RSRC1: variants seen among roughly 807,000 people sequenced by gnomAD.
RSRC1 encodes serine/Arginine-related protein 53.
Under a neutral mutation model 49.1 loss-of-function variants are expected in RSRC1, and 39 were observed. The ratio of observed to expected loss-of-function variants is 0.79; its 90% CI spans 0.61 to 1.04. The LOEUF (loss-of-function observed/expected upper bound fraction) is 1.04. Among genes scored for constraint, RSRC1 ranks in the 50% least tolerant of loss-of-function variants. The pLI is 0.00. For synonymous variants in RSRC1, 143 were observed against 130.8 expected, an observed-to-expected ratio of 1.09 and a Z score of -0.63; for missense variants, 388 against 402.4, an observed-to-expected ratio of 0.96 and a Z score of 0.31.
chr3:158,110,912 A>G (rs1442931517), intron 1 of RSRC1, among the ~76,000 whole-genome samples: 1 of 152,178 alleles, frequency 6.6e-6, no homozygotes, highest in Non-Finnish European at 1.5e-5. Context: ...TCTTGATTTT[A>G]GGTTAACCTT....
rs1255794178 is a variant in RSRC1, at chr3:158,129,837, T to G, written c.320+5846T>G. The stretch of plus-strand genomic sequence containing the variant: ...TTTTGTCAAAAGCTTGCTGGGACTT[T>G]GATTGGATGTTTATTGAATCAGTAG... On this transcript the variant is annotated intron_variant, in intron 3 of 9. Transcript: ENST00000611884. Among the ~76,000 whole-genome samples the G allele has an allele frequency of 2.0e-5, 3 of 152,362 alleles. No individual in the cohort carries two copies. In the East Asian group the frequency reaches 5.8e-4, roughly 29 times the overall value.
At chr3:158,437,498 G>T (rs898606609) in intron 6 of RSRC1, among the ~76,000 whole-genome samples, 2 of 152,092 alleles carry the variant, frequency 1.3e-5, no homozygotes, top group Admixed American at 6.6e-5. Flanking sequence ...GGGATGCAAG[G>T]CTGGTTCAAC....
chr3:158,286,503 T>C (rs1460858901), intron 4 of RSRC1, among the ~76,000 whole-genome samples: 5 of 152,334 alleles, frequency 3.3e-5, no homozygotes, highest in Non-Finnish European at 1.5e-5. Flanking sequence ...TCAGTTCACT[T>C]AGACAAATAC....
At chr3:158,176,553 C>T (rs1719231764) in intron 3 of RSRC1, among the ~76,000 whole-genome samples, 1 of 152,104 alleles carries the variant, frequency 6.6e-6, no homozygotes, top group African/African-American at 2.4e-5. Context: ...GGAAAGGATT[C>T]CCTATTTAAT....
chr3:158,542,305 C>G lies in RSRC1; in HGVS notation c.760-1030C>G, dbSNP rs191693273. Among the ~76,000 whole-genome samples, 3 of 152,238 alleles carry G rather than the reference C, an allele frequency of 2.0e-5. 1 individual carries two copies. The highest frequency in any genetic ancestry group is 3.9e-4 in the East Asian group (2 of 5,166). On this transcript the variant is annotated intron_variant, in intron 8 of 9. Coordinates refer to ENST00000611884, the MANE Select transcript of RSRC1 (RefSeq NM_001271838.2). ...TAGCACTTTGGGAGGCCAAGGCGGGCTGATCACTTGAGGACAGGAGTTCGA... is the reference window on the plus strand; with the variant it reads ...TAGCACTTTGGGAGGCCAAGGCGGGGTGATCACTTGAGGACAGGAGTTCGA...
At chr3:158,344,882 T>TAAAGCCAATAAG (rs1191016881) in intron 5 of RSRC1, among the ~76,000 whole-genome samples, 1 of 152,042 alleles carries the variant, frequency 6.6e-6, no homozygotes, top group Non-Finnish European at 1.5e-5. Context: ...AATGAAGAGT[T>TAAAGCCAATAAG]AAAGCCAATA....
intron 4 of RSRC1, 116 bp from the exon 5 acceptor site, chr3:158,297,923 A>G: frequency 4.1e-6 from 3 of 737,738 alleles, no homozygotes; most frequent in East Asian, 2.6e-5. Flanking sequence ...AGTGTTATGA[A>G]CATAAGTAAA....
At chr3:158,217,810 G>A (rs1722033674) in intron 4 of RSRC1, among the ~76,000 whole-genome samples, 1 of 150,692 alleles carries the variant, frequency 6.6e-6, no homozygotes, top group South Asian at 2.1e-4. Flanking sequence ...ATCATTTTTA[G>A]TAGTAATAAA....
intron 4 of RSRC1, among the ~76,000 whole-genome samples, chr3:158,288,565 T>C (rs1187144243): frequency 1.3e-5 from 2 of 152,146 alleles, no homozygotes; most frequent in East Asian, 1.9e-4. Flanking sequence ...CCTGCCTGGA[T>C]TGGACAGTTA....
intron 3 of RSRC1, among the ~76,000 whole-genome samples, chr3:158,195,978 C>G (rs1306407624): frequency 1.3e-5 from 2 of 151,896 alleles, no homozygotes; most frequent in Admixed American, 1.3e-4. Context: ...CTTGGCGATG[C>G]GGGCTCTTTT....
chr3:158,470,361 C>CATAT lies in RSRC1; in HGVS notation c.652+9374_652+9377dup, dbSNP rs59508977. On this transcript the variant is annotated intron_variant, in intron 7 of 9. Coordinates refer to ENST00000611884, the MANE Select transcript of RSRC1 (RefSeq NM_001271838.2). ...ACACACACACACACACACACACACACATATATATATATATATATAAAACCA... is the reference window on the plus strand; with the variant it reads ...ACACACACACACACACACACACACACATATATATATATATATATATATAAAACCA... 5.4e-3 allele frequency among the ~76,000 whole-genome samples: 544 copies of CATAT among 100,294 alleles called. 4 individuals are homozygous for CATAT. The highest frequency in any genetic ancestry group is 0.014 in the Admixed American group (132 of 9,412). The allele number at this position is 100,294 out of a possible 152,430, so 65.8% of individuals were successfully genotyped here. A position where few individuals can be genotyped will look rare whatever the true frequency, so the allele number is the denominator to read the frequency against.
intron 6 of RSRC1, among the ~76,000 whole-genome samples, chr3:158,412,193 A>G (rs528098549): frequency 1.3e-5 from 2 of 152,246 alleles, no homozygotes; most frequent in South Asian, 2.1e-4. Context: ...ACTAGCTCAT[A>G]AAACACTTTA....
chr3:158,210,690 A>G (rs1003750280), intron 4 of RSRC1, among the ~76,000 whole-genome samples: 2 of 152,058 alleles, frequency 1.3e-5, no homozygotes, highest in Admixed American at 1.3e-4. Context: ...GTGGGTTTGA[A>G]TATTTGGTAT....
intron 7 of RSRC1, among the ~76,000 whole-genome samples, chr3:158,501,903 C>T (rs1305979001): frequency 6.6e-6 from 1 of 151,950 alleles, no homozygotes; most frequent in Non-Finnish European, 1.5e-5. Flanking sequence ...TATTTGCTGC[C>T]TGTGTATTTT....
At chr3:158,203,719 T>C (rs1411457514) in intron 4 of RSRC1, among the ~76,000 whole-genome samples, 2 of 152,152 alleles carry the variant, frequency 1.3e-5, no homozygotes, top group African/African-American at 4.8e-5. Flanking sequence ...AAGCCTTTTT[T>C]AGTATAGAAT....
At chr3:158,473,214 G>A (rs963009327) in intron 7 of RSRC1, among the ~76,000 whole-genome samples, 3 of 152,050 alleles carry the variant, frequency 2.0e-5, no homozygotes, top group African/African-American at 4.8e-5. Context: ...ACATGCACAC[G>A]TATGTTTATC....
intron 6 of RSRC1, among the ~76,000 whole-genome samples, chr3:158,420,040 C>T (rs998155334): frequency 2.0e-5 from 3 of 151,874 alleles, no homozygotes; most frequent in Admixed American, 1.3e-4. Context: ...TCCTTTTACC[C>T]TCCTCATAGG....
Position 158,354,857 on chromosome 3 carries a change from C to G in RSRC1, c.532C>G (p.Pro178Ala). The change falls in exon 6 of 10, where the codon CCA becomes GCA. Residue 178 changes from proline to alanine, a missense_variant and splice_region_variant. Physicochemically the swap from Pro to Ala is conservative, Grantham distance 27 (BLOSUM62 -1). Transcript: ENST00000611884. ...GNIKAGLEHL[P>A]PAEQAKARLQ... ...GAATTTTTTTTTTTTTCTTTTTTAGCCACCAGCTGAACAGGCCAAAGCCAG... is the reference window on the plus strand; with the variant it reads ...GAATTTTTTTTTTTTTCTTTTTTAGGCACCAGCTGAACAGGCCAAAGCCAG... The G allele has an allele frequency of 6.5e-7, 1 of 1,546,048 alleles. No homozygotes were observed. The highest frequency in any genetic ancestry group is 8.7e-7 in the Non-Finnish European group (1 of 1,148,388).
At chr3:158,438,355 A>G (rs2108368067) in intron 6 of RSRC1, among the ~76,000 whole-genome samples, 1 of 152,270 alleles carries the variant, frequency 6.6e-6, no homozygotes, top group Admixed American at 6.6e-5. Context: ...GAAACCACAT[A>G]GCCAAGACAA....
Sources: allele counts gnomAD v4.1 joint callset (sites outside exome capture counted in the v4.1 genomes callset), GRCh38; gene constraint gnomAD v4.1.1; transcripts MANE v1.5; gene names NCBI Gene and HGNC (gene_info 2026-07-23, HGNC 2026-07-21).